The following RHBDD1 variants were observed in gnomAD, a reference collection of about 807,000 sequenced individuals.
RHBDD1 encodes the protein rhomboid domain containing 1.
RHBDD1 carries 38 observed loss-of-function variants against 36.3 expected under a neutral mutation model. The ratio of observed to expected loss-of-function variants is 1.05; its 90% CI spans 0.81 to 1.37. The LOEUF (loss-of-function observed/expected upper bound fraction) is 1.37. Among genes scored for constraint, RHBDD1 ranks in the 40% most tolerant of loss-of-function variants. The pLI, the probability that RHBDD1 is intolerant of heterozygous loss-of-function variation, is 0.00. For synonymous variants in RHBDD1, 151 were observed against 136.5 expected (o/e 1.11, Z -0.74); for missense variants, 393 against 377.6 (o/e 1.04, Z -0.34).
intron 8 of RHBDD1, among the ~76,000 whole-genome samples, chr2:226,975,930 C>T (rs926144402): frequency 6.6e-6 from 1 of 151,872 alleles, no homozygotes; most frequent in Non-Finnish European, 1.5e-5. Flanking sequence ...GTAAGTGGCC[C>T]CAGGGTTGTT....
At chr2:226,838,812 G>A (rs1164101001) in intron 2 of RHBDD1, among the ~76,000 whole-genome samples, 3 of 152,000 alleles carry the variant, frequency 2.0e-5, no homozygotes, top group African/African-American at 7.2e-5. Flanking sequence ...AAACTTTAAC[G>A]TGAAAAAACA....
chr2:226,890,491 G>A (rs1335704081), intron 5 of RHBDD1, among the ~76,000 whole-genome samples: 2 of 152,074 alleles, frequency 1.3e-5, no homozygotes, highest in African/African-American at 4.8e-5. Context: ...GAATCATCAG[G>A]TCCTCCATTC....
chr2:226,887,682 A>T (rs921797389), intron 5 of RHBDD1, among the ~76,000 whole-genome samples: 2 of 152,260 alleles, frequency 1.3e-5, no homozygotes, highest in Non-Finnish European at 2.9e-5. Context: ...TGCTCTTGTC[A>T]AACAGTATTT....
chr2:226,924,696 T>A (rs1000246056), intron 8 of RHBDD1, among the ~76,000 whole-genome samples: 1 of 152,200 alleles, frequency 6.6e-6, no homozygotes, highest in Non-Finnish European at 1.5e-5. Context: ...TTCTGACCAC[T>A]GGGATGGGCA....
At chr2:226,979,983 C>T (rs1394219521) in intron 8 of RHBDD1, among the ~76,000 whole-genome samples, 1 of 151,920 alleles carries the variant, frequency 6.6e-6, no homozygotes, top group African/African-American at 2.4e-5. Context: ...GGGGACAGGA[C>T]GAGTGGAAGA....
At chr2:226,851,190 A>G (rs1942778762) in intron 3 of RHBDD1, among the ~76,000 whole-genome samples, 1 of 151,864 alleles carries the variant, frequency 6.6e-6, no homozygotes, top group African/African-American at 2.4e-5. Context: ...ACTTTTTTCC[A>G]TCAAGGAGAG....
chr2:226,986,190 A>G (rs567380999), intron 8 of RHBDD1, among the ~76,000 whole-genome samples: 36 of 152,376 alleles, frequency 2.4e-4, no homozygotes, highest in African/African-American at 8.4e-4. Context: ...ATGGGGGTCA[A>G]GAAAGGACTC....
chr2:226,814,194 T>C, the RHBDD1 span, among the ~76,000 whole-genome samples: 1 of 152,152 alleles, frequency 6.6e-6, no homozygotes, highest in Non-Finnish European at 1.5e-5. Flanking sequence ...TGATATCTTG[T>C]CTATAAGGGG....
At chr2:226,947,527 C>T (rs1237174572) in intron 8 of RHBDD1, among the ~76,000 whole-genome samples, 1 of 151,974 alleles carries the variant, frequency 6.6e-6, no homozygotes, top group Non-Finnish European at 1.5e-5. Flanking sequence ...AGTTTGAAGT[C>T]AGGTAGTGTG....
At chr2:226,804,384 A>G in the RHBDD1 span, 1 of 152,194 alleles carries the variant, frequency 6.6e-6, no homozygotes, top group African/African-American at 2.4e-5. Context: ...AAAAAATGTA[A>G]TTTTATTCTT....
the RHBDD1 span, among the ~76,000 whole-genome samples, chr2:226,813,447 CAG>C: frequency 1.3e-5 from 2 of 152,234 alleles, no homozygotes; most frequent in South Asian, 2.1e-4. Flanking sequence ...AGACTGGAGA[CAG>C]GGGGGCTATT....
chr2:226,853,165 T>C (rs1398777700), intron 3 of RHBDD1, among the ~76,000 whole-genome samples: 1 of 152,126 alleles, frequency 6.6e-6, no homozygotes, highest in Non-Finnish European at 1.5e-5. Context: ...TTTTGGTCCC[T>C]TTTACTACTT....
intron 3 of RHBDD1, among the ~76,000 whole-genome samples, chr2:226,840,296 A>G (rs765758723): frequency 1.2e-4 from 19 of 152,216 alleles, no homozygotes; most frequent in Non-Finnish European, 1.2e-4. Flanking sequence ...ATAATGGGCA[A>G]GAGACCTTTG....
intron 5 of RHBDD1, among the ~76,000 whole-genome samples, chr2:226,895,174 C>T (rs7594666): frequency 0.067 from 10,196 of 152,308 alleles, 494 homozygotes; most frequent in African/African-American, 0.14. Flanking sequence ...GTTAGACAGA[C>T]ACGCTTGTCA....
At chr2:226,898,776 C>T (rs1375000596) in intron 5 of RHBDD1, among the ~76,000 whole-genome samples, 2 of 152,120 alleles carry the variant, frequency 1.3e-5, no homozygotes, top group African/African-American at 4.8e-5. Context: ...ATTAAGATCC[C>T]CAAACCCCAG....
the RHBDD1 span, among the ~76,000 whole-genome samples, chr2:226,828,934 G>GT: frequency 6.6e-6 from 1 of 152,118 alleles, no homozygotes; most frequent in Non-Finnish European, 1.5e-5. Flanking sequence ...TTTGTGGATT[G>GT]TACTTTTCCT....
In RHBDD1 at chr2:226,997,573, G is replaced by A. The variant is rs927602095; in HGVS notation, c.*2051G>A. The A allele has an allele frequency of 1.3e-5, 2 of 152,254 alleles. No individual in the cohort carries two copies. The highest frequency in any genetic ancestry group is 6.5e-5 in the Admixed American group (1 of 15,298). 9.4% of individuals were successfully genotyped at this position (152,254 alleles called of 1,614,324 possible). On this transcript the variant is annotated 3_prime_UTR_variant, in exon 9 of 9. Coordinates refer to ENST00000392062, the MANE Select transcript of RHBDD1 (RefSeq NM_001167608.3). ...CACTAAATGTCAGTGTTTCACCAAAGTATTTTTTCCATTGTATTAAGAGTC... is the reference window on the plus strand; with the variant it reads ...CACTAAATGTCAGTGTTTCACCAAAATATTTTTTCCATTGTATTAAGAGTC...
Position 226,857,577 on chromosome 2 carries a change from A to G in RHBDD1, c.-90-7027A>G, listed in dbSNP as rs80340489. 4.8e-3 allele frequency among the ~76,000 whole-genome samples: 737 copies of G among 152,358 alleles called. 7 individuals carry two copies. Among genetic ancestry groups the G allele is most frequent in the African/African-American group, 0.017 (700 of 41,586 alleles). ...GAATAAAATGTGGTATATTCATACA[A>G]TAAAATACTATTTGACCATAAAAAG... is the stretch of plus-strand genomic sequence containing the variant. On this transcript the variant is annotated intron_variant, in intron 3 of 8. Transcript: ENST00000392062.
chr2:226,932,760 C>G (rs143790403), intron 8 of RHBDD1, among the ~76,000 whole-genome samples: 217 of 152,068 alleles, frequency 1.4e-3, no homozygotes, highest in African/African-American at 5.1e-3. Context: ...GCAGTATGGC[C>G]TTCTCAGTGT....
Sources: allele counts gnomAD v4.1 joint callset (sites outside exome capture counted in the v4.1 genomes callset), GRCh38; gene constraint gnomAD v4.1.1; transcripts MANE v1.5; gene names NCBI Gene and HGNC (gene_info 2026-07-23, HGNC 2026-07-21).